Variants in CCDC144A observed in about 807,000 individuals in gnomAD.
CCDC144A encodes coiled-coil domain-containing protein 144A.
CCDC144A carries 41 observed loss-of-function variants against 143.8 expected under a neutral mutation model. That is an observed-to-expected ratio of 0.29 (90% confidence interval 0.22 to 0.37). The LOEUF is 0.37. Ranked by LOEUF, CCDC144A falls within the 10% of genes least tolerant of loss-of-function variation. The pLI is 1.00. For missense variants in CCDC144A, 637 were observed against 1,488.8 expected (o/e 0.43, Z 9.41); for synonymous variants, 242 against 517.9 (o/e 0.47, Z 7.23).
chr17:16,709,730 G>A (rs1912286571), intron 5 of CCDC144A, 95 bp downstream of exon 5: 1 of 1,465,404 alleles, frequency 6.8e-7, no homozygotes, highest in African/African-American at 1.4e-5. Flanking sequence ...AAAGCATACA[G>A]TTTGGTTGTC....
At chr17:16,759,829 A>G (rs1359547504) in intron 12 of CCDC144A, among the ~76,000 whole-genome samples, 1 of 152,240 alleles carries the variant, frequency 6.6e-6, no homozygotes, top group African/African-American at 2.4e-5. Flanking sequence ...CTTGGTATAT[A>G]ACAAAATGCA....
upstream of CCDC144A, among the ~76,000 whole-genome samples, chr17:16,686,531 T>C (rs28685290): frequency 0.026 from 3,905 of 151,882 alleles, 163 homozygotes; most frequent in African/African-American, 0.09. Context: ...GGTGGTCAGG[T>C]ATGGTGGCTT....
intron 6 of CCDC144A, among the ~76,000 whole-genome samples, chr17:16,717,280 TTTTTGTA>T: frequency 6.6e-6 from 1 of 150,932 alleles, no homozygotes; most frequent in Non-Finnish European, 1.5e-5. Flanking sequence ...GCCCAGCTAA[TTTTTGTA>T]TTTTTAGTAG....
intron 13 of CCDC144A, among the ~76,000 whole-genome samples, 157 bp downstream of exon 13, chr17:16,761,875 C>T (rs1337966507): frequency 6.6e-5 from 10 of 152,350 alleles, no homozygotes; most frequent in East Asian, 5.8e-4. Flanking sequence ...TAAATATTTT[C>T]GTTTCCATCA....
At chr17:16,760,632 CT>C (rs370393146) in intron 12 of CCDC144A, among the ~76,000 whole-genome samples, 52 of 94,092 alleles carry the variant, frequency 5.5e-4, no homozygotes, top group Middle Eastern at 4.7e-3. Flanking sequence ...TATTGGAATC[CT>C]TTTTTTTTTT....
intron 6 of CCDC144A, among the ~76,000 whole-genome samples, chr17:16,713,775 A>G (rs2621597): frequency 0.094 from 14,324 of 152,246 alleles, 892 homozygotes; most frequent in Non-Finnish European, 0.13. Context: ...GGGTAAAAAT[A>G]TAGTATATAG....
chr17:16,709,469 C>T lies in CCDC144A; in HGVS notation c.1412C>T (p.Pro471Leu). ...GSTNNYKSLKPKLENLSSLPP... is the reference protein window; with the variant it reads ...GSTNNYKSLKLKLENLSSLPP... ...ACAAACAACTATAAAAGCCTGAAAC[C>T]TAAATTAGAAAATCTGAGTTCTTTA... is the stretch of plus-strand genomic sequence containing the variant. Residue 471 changes from proline (P) to leucine (L), a missense_variant, in exon 5 of 17, where the codon CCT becomes CTT. By Grantham distance (98) the Pro-to-Leu change is moderately conservative. Transcript: ENST00000399273. 2 of 1,611,516 alleles carry T rather than the reference C, an allele frequency of 1.2e-6. No individual in the cohort carries two copies. The highest frequency in any genetic ancestry group is 1.7e-6 in the Non-Finnish European group (2 of 1,179,594).
chr17:16,683,532 G>T, the CCDC144A span: 1 of 1,550,232 alleles, frequency 6.5e-7, no homozygotes, highest in Non-Finnish European at 8.9e-7. Context: ...CGTGAGGAGG[G>T]GCGGCAAGTC....
rs561146639 is a variant in CCDC144A, at chr17:16,708,006, G to T, written c.738+464G>T. ...AGATGTGGCCTTTCATTGACTTCAC[G>T]GTCTACATTCAGTGAGAGTGGGGTT... On this transcript the variant is annotated intron_variant, in intron 4 of 16. Coordinates refer to ENST00000399273, the MANE Select transcript of CCDC144A (RefSeq NM_001382000.1). Among the ~76,000 whole-genome samples the T allele has an allele frequency of 7.9e-4, 120 of 152,004 alleles. 7 individuals are homozygous for T. The South Asian group carries it at 0.024, about 30-fold the overall frequency.
upstream of CCDC144A, among the ~76,000 whole-genome samples, chr17:16,686,747 AAC>A (rs142329474): frequency 0.1 from 14,074 of 140,066 alleles, 721 homozygotes; most frequent in African/African-American, 0.15. Context: ...CACACACACA[AAC>A]ACACACACAC....
intron 12 of CCDC144A, among the ~76,000 whole-genome samples, chr17:16,755,959 C>G (rs1465237197): frequency 6.6e-6 from 1 of 152,180 alleles, no homozygotes; most frequent in Non-Finnish European, 1.5e-5. Flanking sequence ...TCATTCTCTC[C>G]TATCCTCTAA....
At chr17:16,695,397 G>A (rs929218077) in intron 2 of CCDC144A, 24 of 151,808 alleles carry the variant, frequency 1.6e-4, no homozygotes, top group African/African-American at 5.3e-4. Context: ...AGACCAGCCC[G>A]GGCAACATGA....
At chr17:16,690,115 C>G (rs1302916725), upstream of CCDC144A, 5 of 279,588 alleles carry the variant, frequency 1.8e-5, no homozygotes, top group Non-Finnish European at 2.7e-5. Context: ...GCTGCAGCGC[C>G]ACCTGCAGGC....
At chr17:16,667,240 A>C in the CCDC144A span, 2 of 219,336 alleles carry the variant, frequency 9.1e-6, no homozygotes, top group Non-Finnish European at 9.1e-6. Context: ...TGAGAGGCTG[A>C]GGGGCTGAGG....
At chr17:16,755,741 A>C (rs2621513) in intron 12 of CCDC144A, among the ~76,000 whole-genome samples, 3 of 152,282 alleles carry the variant, frequency 2.0e-5, no homozygotes, top group Admixed American at 6.5e-5. Flanking sequence ...GTATATTTTT[A>C]GTAGAGACAG....
chr17:16,722,375 T>C (rs1913142358), intron 8 of CCDC144A, among the ~76,000 whole-genome samples: 1 of 152,132 alleles, frequency 6.6e-6, no homozygotes, highest in Non-Finnish European at 1.5e-5. Flanking sequence ...TTTAGAGTAG[T>C]TTTAGCTTCA....
chr17:16,686,781 CACACAA>C (rs1317412676), upstream of CCDC144A, among the ~76,000 whole-genome samples: 1 of 142,128 alleles, frequency 7.0e-6, no homozygotes, highest in East Asian at 2.3e-4. Flanking sequence ...CACACACACA[CACACAA>C]AGAAAAGAAA....
the CCDC144A span, among the ~76,000 whole-genome samples, chr17:16,675,643 G>A: frequency 2.0e-5 from 3 of 151,928 alleles, no homozygotes; most frequent in Non-Finnish European, 2.9e-5. Context: ...TCTCTTATTC[G>A]AAAATATTTA....
At chr17:16,767,156 A>G (rs142280841) in intron 15 of CCDC144A, 25,010 of 150,080 alleles carry the variant, frequency 0.17, 2,531 homozygotes, top group African/African-American at 0.37. Context: ...TTAGCCTGGC[A>G]TGGTGGCGGG....
Sources: gnomAD v4.1 joint callset for allele counts (sites outside exome capture counted in the v4.1 genomes callset) on GRCh38, gnomAD v4.1.1 for gene constraint, MANE v1.5 for transcripts, NCBI Gene and HGNC (gene_info 2026-07-23, HGNC 2026-07-21) for gene names.